MARCHF1: variants seen among roughly 807,000 people sequenced by gnomAD.
The protein encoded by MARCHF1 is E3 ubiquitin-protein ligase MARCHF1.
In MARCHF1, 40 loss-of-function variants were observed where a neutral mutation model predicts 54.2. The observed-to-expected ratio is 0.74, with a 90% confidence interval of 0.57 to 0.96. The LOEUF is 0.96. Among genes scored for constraint, MARCHF1 ranks in the 40% least tolerant of loss-of-function variants. The probability of loss-of-function intolerance (pLI) is 0.00; values close to 1 mark genes in which losing one functional copy is unlikely to be tolerated. For synonymous variants in MARCHF1, 236 were observed against 236.3 expected (o/e 1.00, Z 0.01); for missense variants, 586 against 656.5 (o/e 0.89, Z 1.17).
chr4:163,810,374 T>G (rs1336836449), intron 4 of MARCHF1, among the ~76,000 whole-genome samples: 1 of 152,222 alleles, frequency 6.6e-6, no homozygotes, highest in Non-Finnish European at 1.5e-5. Context: ...TTCATAACTT[T>G]CCCATGATGT....
At chr4:164,163,549 A>G (rs1457926151) in intron 1 of MARCHF1, among the ~76,000 whole-genome samples, 1 of 152,036 alleles carries the variant, frequency 6.6e-6, no homozygotes, top group Non-Finnish European at 1.5e-5. Flanking sequence ...AGAAAGCAAG[A>G]GACAATTAAT....
chr4:163,666,575 T>C (rs1743540490), intron 5 of MARCHF1, among the ~76,000 whole-genome samples: 1 of 152,166 alleles, frequency 6.6e-6, no homozygotes, highest in Non-Finnish European at 1.5e-5. Flanking sequence ...CAATAGCTCA[T>C]CCTTCTTGAG....
At chr4:163,580,061 T>A (rs1294011540) in intron 8 of MARCHF1, among the ~76,000 whole-genome samples, 6 of 115,266 alleles carry the variant, frequency 5.2e-5, no homozygotes, top group African/African-American at 1.8e-4. Flanking sequence ...GAGCCTTATT[T>A]ATTATTTATT....
At chr4:163,640,195 A>G (rs1374890049) in intron 5 of MARCHF1, among the ~76,000 whole-genome samples, 1 of 152,156 alleles carries the variant, frequency 6.6e-6, no homozygotes, top group Non-Finnish European at 1.5e-5. Context: ...TAGCTAGCTT[A>G]ATTCAGCAAT....
chr4:164,127,078 C>CAAAACAAAACAAAACAAAACA lies in MARCHF1; in HGVS notation c.-322-15417_-322-15416insTGTTTTGTTTTGTTTTGTTTT, dbSNP rs974447143. Among the ~76,000 whole-genome samples the CAAAACAAAACAAAACAAAACA allele has an allele frequency of 1.7e-3, 224 of 134,300 alleles. 1 individual carries two copies. Among genetic ancestry groups the CAAAACAAAACAAAACAAAACA allele is most frequent in the Admixed American group, 0.012 (158 of 13,292 alleles). 88.1% of individuals were successfully genotyped at this position (134,300 alleles called of 152,430 possible). ...CAAAACAAAACAAAACAAAACAAAA[C>CAAAACAAAACAAAACAAAACA]AAAGAGGAATATGTTATTGGAAACT... On this transcript the variant is annotated intron_variant, in intron 1 of 9. Coordinates refer to ENST00000514618, the MANE Select transcript of MARCHF1 (RefSeq NM_001394959.1).
intron 4 of MARCHF1, among the ~76,000 whole-genome samples, chr4:163,797,504 T>G (rs1175656891): frequency 1.3e-5 from 2 of 152,044 alleles, no homozygotes; most frequent in Non-Finnish European, 2.9e-5. Flanking sequence ...CTTCTAGAAC[T>G]CAGGATAGAT....
chr4:163,993,347 T>A (rs548913918), intron 2 of MARCHF1, among the ~76,000 whole-genome samples: 3 of 152,258 alleles, frequency 2.0e-5, no homozygotes, highest in African/African-American at 7.2e-5. Context: ...TGTGCAAGTA[T>A]CTTGTGTAAT....
intron 1 of MARCHF1, among the ~76,000 whole-genome samples, chr4:164,145,819 C>T (rs1311347084): frequency 8.1e-6 from 1 of 123,810 alleles, no homozygotes; most frequent in Non-Finnish European, 1.7e-5. Flanking sequence ...AAGTTCTGGC[C>T]AGGGCAATCA....
intron 1 of MARCHF1, among the ~76,000 whole-genome samples, chr4:164,154,225 G>T (rs1730016431): frequency 9.8e-6 from 1 of 101,850 alleles, no homozygotes; most frequent in Non-Finnish European, 1.7e-5. Context: ...CCATTTAAAA[G>T]AAAAAGAAAA....
chr4:163,995,333 C>T (rs1347189533), intron 2 of MARCHF1, among the ~76,000 whole-genome samples: 1 of 152,124 alleles, frequency 6.6e-6, no homozygotes, highest in African/African-American at 2.4e-5. Flanking sequence ...CACCCAGGAA[C>T]CTCCACATGT....
chr4:164,113,325 T>G (rs943241359), intron 1 of MARCHF1, among the ~76,000 whole-genome samples: 1 of 151,992 alleles, frequency 6.6e-6, no homozygotes, highest in Non-Finnish European at 1.5e-5. Context: ...TGCTTCATGA[T>G]TTTAGGTTCC....
At chr4:163,742,623 C>A (rs564413276) in intron 4 of MARCHF1, among the ~76,000 whole-genome samples, 1 of 150,836 alleles carries the variant, frequency 6.6e-6, no homozygotes, top group African/African-American at 2.4e-5. Context: ...ACCACAGGTG[C>A]ACACCACCAT....
In MARCHF1 at chr4:163,986,246, C is replaced by CTTTTTTTTTTTTT. The variant is rs1752861022; in HGVS notation, c.-39+2254_-39+2255insAAAAAAAAAAAAA. Among the ~76,000 whole-genome samples, 42 of 73,774 alleles carry CTTTTTTTTTTTTT rather than the reference C, an allele frequency of 5.7e-4. 7 individuals are homozygous for CTTTTTTTTTTTTT. Among genetic ancestry groups the CTTTTTTTTTTTTT allele is most frequent in the Admixed American group, 7.7e-4 (4 of 5,166 alleles). 48.4% of individuals were successfully genotyped at this position (73,774 alleles called of 152,430 possible). ...CCTTTCCTTTTCTCCTAATTAACCT[C>CTTTTTTTTTTTTT]TTCTTTTTTTTTTTTTTTTTTTTTT... On this transcript the variant is annotated intron_variant, in intron 3 of 9. Coordinates refer to ENST00000514618, the MANE Select transcript of MARCHF1 (RefSeq NM_001394959.1).
chr4:164,376,844 C>T (rs931627531), intron 1 of MARCHF1, among the ~76,000 whole-genome samples: 5 of 152,128 alleles, frequency 3.3e-5, no homozygotes, highest in East Asian at 1.9e-4. Context: ...AATGATTGCC[C>T]GAGCCAGAGC....
At chr4:163,677,355 C>A (rs1743952665) in intron 5 of MARCHF1, among the ~76,000 whole-genome samples, 1 of 152,072 alleles carries the variant, frequency 6.6e-6, no homozygotes, top group South Asian at 2.1e-4. Context: ...TTACTTCATT[C>A]CTCTCTCTCC....
intron 1 of MARCHF1, among the ~76,000 whole-genome samples, chr4:164,169,573 T>C (rs527797914): frequency 6.6e-6 from 1 of 152,254 alleles, no homozygotes; most frequent in Admixed American, 6.5e-5. Context: ...TTTTAAAATG[T>C]GTTCTTTTGG....
chr4:164,276,732 T>C (rs1469882695), intron 1 of MARCHF1, among the ~76,000 whole-genome samples: 1 of 150,608 alleles, frequency 6.6e-6, no homozygotes, highest in African/African-American at 2.4e-5. Flanking sequence ...TAGATAAATA[T>C]CAAACTTTCT....
At chr4:164,270,585 T>G (rs1733722215) in intron 1 of MARCHF1, among the ~76,000 whole-genome samples, 1 of 152,208 alleles carries the variant, frequency 6.6e-6, no homozygotes, top group African/African-American at 2.4e-5. Context: ...TCCCAGAAAT[T>G]CAAGCTTGTT....
intron 4 of MARCHF1, among the ~76,000 whole-genome samples, chr4:163,764,064 C>A (rs542050180): frequency 1.3e-5 from 2 of 152,180 alleles, no homozygotes; most frequent in South Asian, 2.1e-4. Context: ...TCTTTTGCCA[C>A]AAAGTCTAGA....
Sources: allele counts gnomAD v4.1 joint callset (sites outside exome capture counted in the v4.1 genomes callset), GRCh38; gene constraint gnomAD v4.1.1; transcripts MANE v1.5; gene names NCBI Gene and HGNC (gene_info 2026-07-23, HGNC 2026-07-21).